The following OPCML variants were observed in gnomAD, a reference collection of about 807,000 sequenced individuals.
OPCML encodes the protein opioid-binding protein/cell adhesion molecule.
OPCML carries 13 observed loss-of-function variants against 37.8 expected under a neutral mutation model. The observed-to-expected ratio is 0.34, with a 90% CI of 0.22 to 0.55. The LOEUF is 0.55. Ranked by LOEUF, OPCML falls within the 20% of genes least tolerant of loss-of-function variation. The pLI, the probability that OPCML is intolerant of heterozygous loss-of-function variation, is 0.91. For missense variants in OPCML, 341 were observed against 435.6 expected, an observed-to-expected ratio of 0.78 and a Z score of 1.93; for synonymous variants, 176 against 168.8, an observed-to-expected ratio of 1.04 and a Z score of -0.33.
chr11:133,093,655 C>G (rs868256173), intron 1 of OPCML, among the ~76,000 whole-genome samples: 8 of 152,174 alleles, frequency 5.3e-5, no homozygotes, highest in Admixed American at 2.0e-4. Context: ...CATTCATTAA[C>G]TGTAGCTTAG....
chr11:132,435,986 G>A lies in OPCML; in HGVS notation c.916+100C>T, dbSNP rs940095736. 16 of 1,235,424 alleles carry A rather than the reference G, an allele frequency of 1.3e-5. No individual in the cohort carries two copies. In the African/African-American group the frequency reaches 2.3e-4, roughly 17 times the overall value. 76.5% of individuals were successfully genotyped at this position (1,235,424 alleles called of 1,614,324 possible). On this transcript the variant is annotated intron_variant, in intron 7 of 7. Coordinates refer to ENST00000524381, the MANE Select transcript of OPCML (RefSeq NM_001012393.5). ...CTACAGGTGGTGGGTTGAGTAGGAT[G>A]GATGGACACAGGCCAAGCAGATTGC... is the stretch of plus-strand genomic sequence containing the variant.
intron 1 of OPCML, among the ~76,000 whole-genome samples, chr11:133,190,031 A>T (rs1465619533): frequency 6.6e-6 from 1 of 152,188 alleles, no homozygotes; most frequent in East Asian, 1.9e-4. Flanking sequence ...GGACTTTACC[A>T]CTTCCATATA....
chr11:133,006,155 C>A, intron 1 of OPCML: 7 of 980,750 alleles, frequency 7.1e-6, no homozygotes, highest in Non-Finnish European at 8.5e-6. Context: ...GAAGCTCCAA[C>A]CTACTGAGGT....
intron 4 of OPCML, among the ~76,000 whole-genome samples, chr11:132,522,725 T>C (rs937155885): frequency 6.6e-6 from 1 of 152,176 alleles, no homozygotes; most frequent in Non-Finnish European, 1.5e-5. Context: ...AACAACTCAG[T>C]CCAGATCTCA....
chr11:133,494,101 C>CA (rs1371708948), intron 1 of OPCML, among the ~76,000 whole-genome samples: 34 of 151,394 alleles, frequency 2.2e-4, no homozygotes, highest in African/African-American at 6.3e-4. Context: ...TTTATGCAGC[C>CA]AAAAAAACAC....
At chr11:132,971,030 C>T (rs1326948784) in intron 1 of OPCML, among the ~76,000 whole-genome samples, 1 of 152,176 alleles carries the variant, frequency 6.6e-6, no homozygotes, top group East Asian at 1.9e-4. Context: ...ATTTCTCTCT[C>T]AATCCCTTAT....
intron 1 of OPCML, among the ~76,000 whole-genome samples, chr11:133,333,464 G>A (rs749904851): frequency 5.2e-4 from 79 of 152,084 alleles, no homozygotes; most frequent in Non-Finnish European, 9.7e-4. Flanking sequence ...AAGCTGGACC[G>A]CTTCCTTACA....
At chr11:133,422,239 C>A (rs2136896738) in intron 1 of OPCML, 1 of 984,758 alleles carries the variant, frequency 1.0e-6, no homozygotes, top group Non-Finnish European at 1.2e-6. Flanking sequence ...AGCCCCTGTA[C>A]CAGGGATCTG....
At chr11:133,011,569 A>G (rs1370963156) in intron 1 of OPCML, among the ~76,000 whole-genome samples, 1 of 151,696 alleles carries the variant, frequency 6.6e-6, no homozygotes, top group Non-Finnish European at 1.5e-5. Flanking sequence ...AATTAAAGTT[A>G]TTTAAAAACT....
At chr11:132,604,533 C>A (rs1019982856) in intron 3 of OPCML, among the ~76,000 whole-genome samples, 2 of 152,132 alleles carry the variant, frequency 1.3e-5, no homozygotes. Flanking sequence ...AACTCTGAGG[C>A]CTTTTCTAAG....
intron 1 of OPCML, among the ~76,000 whole-genome samples, chr11:133,251,599 G>A (rs1275295235): frequency 6.6e-6 from 1 of 151,832 alleles, no homozygotes; most frequent in Non-Finnish European, 1.5e-5. Context: ...GGGACACGGG[G>A]TACAGACCTG....
At chr11:133,054,360 C>T (rs866860597) in intron 1 of OPCML, among the ~76,000 whole-genome samples, 4 of 152,332 alleles carry the variant, frequency 2.6e-5, no homozygotes, top group Middle Eastern at 3.4e-3. Flanking sequence ...CTAACAGTCA[C>T]TTGCAGACTC....
intron 3 of OPCML, among the ~76,000 whole-genome samples, chr11:132,563,772 T>C (rs1273316672): frequency 6.6e-6 from 1 of 151,192 alleles, no homozygotes. Context: ...TATTGTCCAC[T>C]TTTACGTTAT....
At chr11:133,060,801 G>A (rs1399448048) in intron 1 of OPCML, among the ~76,000 whole-genome samples, 2 of 152,226 alleles carry the variant, frequency 1.3e-5, no homozygotes, top group Admixed American at 1.3e-4. Context: ...CTGCTGACTG[G>A]GCAGCTGGCT....
chr11:133,014,006 C>T (rs1027118776), intron 1 of OPCML, among the ~76,000 whole-genome samples: 2 of 152,146 alleles, frequency 1.3e-5, no homozygotes, highest in Non-Finnish European at 2.9e-5. Flanking sequence ...CTCCTCCCAC[C>T]ACCACCGCTA....
intron 1 of OPCML, among the ~76,000 whole-genome samples, chr11:133,450,746 A>G (rs1370215057): frequency 1.3e-5 from 2 of 151,624 alleles, no homozygotes; most frequent in Non-Finnish European, 2.9e-5. Context: ...GTATAGGCAA[A>G]GAAAAGAGGT....
At chr11:132,448,120 C>T (rs2096060064) in intron 4 of OPCML, among the ~76,000 whole-genome samples, 1 of 152,206 alleles carries the variant, frequency 6.6e-6, no homozygotes, top group Non-Finnish European at 1.5e-5. Context: ...AGGGTCTTTT[C>T]AGGGTATTGG....
At chr11:132,678,136 T>G (rs1942790518) in intron 2 of OPCML, among the ~76,000 whole-genome samples, 1 of 152,156 alleles carries the variant, frequency 6.6e-6, no homozygotes, top group Non-Finnish European at 1.5e-5. Context: ...CAAGTAAGCA[T>G]CTGAAAAGAT....
In OPCML at chr11:133,353,244, A is replaced by G. The variant is rs539685441; in HGVS notation, c.61+179020T>C. Among the ~76,000 whole-genome samples, 8 of 150,758 alleles carry G rather than the reference A, an allele frequency of 5.3e-5. No individual in the cohort carries two copies. The South Asian group carries it at 1.7e-3, about 32-fold the overall frequency. On this transcript the variant is annotated intron_variant, in intron 1 of 7. Coordinates refer to ENST00000524381, the MANE Select transcript of OPCML (RefSeq NM_001012393.5). ...TGCAGTGGTGTGATCTCGGCTCACT[A>G]CAGCCTCTGCCTCCCAGGTTCAAAC...
Sources: allele counts gnomAD v4.1 joint callset (sites outside exome capture counted in the v4.1 genomes callset), GRCh38; gene constraint gnomAD v4.1.1; transcripts MANE v1.5; gene names NCBI Gene and HGNC (gene_info 2026-07-23, HGNC 2026-07-21).